The following ZNF609 variants were observed in gnomAD, a reference collection of about 807,000 sequenced individuals.
The protein encoded by ZNF609 is zinc finger protein 609.
In ZNF609, 11 loss-of-function variants were observed where a neutral mutation model predicts 109.5. That is an observed-to-expected ratio of 0.10 (90% CI 0.06 to 0.17). The LOEUF is 0.17. ZNF609 is among the 10% of genes least tolerant of loss of function. ZNF609 has a pLI of 1.00. For synonymous variants in ZNF609, 646 were observed against 662.0 expected (o/e 0.98, Z 0.37); for missense variants, 1,559 against 1,772.4 (o/e 0.88, Z 2.16).
Position 64,674,353 on chromosome 15 carries a change from C to G in ZNF609, c.1499C>G (p.Pro500Arg). Residue 500 changes from proline (P) to arginine (R), a missense_variant, in exon 5 of 10, where the codon CCA (proline) becomes CGA (arginine). Transcript: ENST00000326648. ...CCCGTCCTAATTGACTGTCCCCACC[C>G]AAACTGCAACAAGAAGTACAAGCAC... ...PSPVLIDCPH[P>R]NCNKKYKHIN... The G allele has an allele frequency of 6.2e-7, 1 of 1,614,124 alleles. No homozygotes were observed. Among genetic ancestry groups the G allele is most frequent in the Non-Finnish European group, 8.5e-7 (1 of 1,180,028 alleles).
chr15:64,669,255 C>T (rs1490878838), intron 3 of ZNF609, among the ~76,000 whole-genome samples: 1 of 152,082 alleles, frequency 6.6e-6, no homozygotes, highest in Non-Finnish European at 1.5e-5. Context: ...TAAAATGAAG[C>T]ATTTGTACAA....
chr15:64,529,785 C>G, intron 2 of ZNF609: 1 of 489,712 alleles, frequency 2.0e-6, no homozygotes, highest in South Asian at 1.9e-5. Flanking sequence ...GGCTGGAGTG[C>G]AATGGTGCAA....
At chr15:64,617,477 C>T (rs113982613) in intron 2 of ZNF609, among the ~76,000 whole-genome samples, 7,021 of 150,854 alleles carry the variant, frequency 0.047, 540 homozygotes, top group African/African-American at 0.16. Flanking sequence ...GACGACAGAG[C>T]GAGACCCTGT....
At chr15:64,579,409 CA>C (rs772818773) in intron 2 of ZNF609, among the ~76,000 whole-genome samples, 3,502 of 79,852 alleles carry the variant, frequency 0.044, 90 homozygotes, top group African/African-American at 0.11. Flanking sequence ...GACCCTGTCT[CA>C]AAAAAAAAAA....
chr15:64,645,020 C>T (rs8024483), intron 3 of ZNF609, among the ~76,000 whole-genome samples: 36 of 134,722 alleles, frequency 2.7e-4, no homozygotes, highest in African/African-American at 9.5e-4. Context: ...TTCCTTCCTT[C>T]CTTCCTTCCT....
intron 2 of ZNF609, among the ~76,000 whole-genome samples, chr15:64,534,105 G>C (rs1445547819): frequency 6.7e-6 from 1 of 150,302 alleles, no homozygotes; most frequent in East Asian, 2.0e-4. Flanking sequence ...TCTGCCTCCC[G>C]GGTTGAAGCG....
At chr15:64,659,597 G>A (rs1896544527) in intron 3 of ZNF609, among the ~76,000 whole-genome samples, 1 of 152,080 alleles carries the variant, frequency 6.6e-6, no homozygotes, top group Non-Finnish European at 1.5e-5. Flanking sequence ...CAGAAACTCA[G>A]CAGAGTAGTT....
chr15:64,671,065 C>T (rs1344586182), intron 4 of ZNF609, among the ~76,000 whole-genome samples: 1 of 150,914 alleles, frequency 6.6e-6, no homozygotes, highest in African/African-American at 2.4e-5. Flanking sequence ...AAAAAATTAG[C>T]CGGGCGTGGT....
chr15:64,474,554 G>T (rs1212681495), intron 1 of ZNF609, among the ~76,000 whole-genome samples: 1 of 151,868 alleles, frequency 6.6e-6, no homozygotes, highest in African/African-American at 2.4e-5. Flanking sequence ...ATATATTATT[G>T]CAATAACCTC....
chr15:64,680,655 A>G lies in ZNF609; in HGVS notation c.3955A>G (p.Lys1319Glu). 6.3e-7 allele frequency: 1 copy of G among 1,592,088 alleles called. No individual in the cohort carries two copies. The highest frequency in any genetic ancestry group is 2.2e-5 in the East Asian group (1 of 44,714). ...CTGGTTTCCTTTCCAGATAAGTGAT[A>G]AAACTTCTCAGGAGAGAGATCGAGG... ...YKSKSPTISD[K>E]TSQERDRGGC... The change falls in exon 8 of 10, where the codon AAA becomes GAA. Residue 1319 changes from lysine (K) to glutamate (E), a missense_variant. Around this residue, in one of 4 missense-constraint regions of ZNF609, gnomAD observed 1,204 missense variants for 1,314.1 expected, o/e 0.92. Coordinates refer to ENST00000326648, the MANE Select transcript of ZNF609 (RefSeq NM_015042.2).
At chr15:64,486,376 T>C (rs529420074) in intron 1 of ZNF609, among the ~76,000 whole-genome samples, 110 of 152,054 alleles carry the variant, frequency 7.2e-4, no homozygotes, top group African/African-American at 2.5e-3. Flanking sequence ...ATACAAAAAT[T>C]AGCCGGGTGT....
intron 2 of ZNF609, among the ~76,000 whole-genome samples, chr15:64,522,671 C>T (rs1479567750): frequency 1.3e-5 from 2 of 151,892 alleles, no homozygotes; most frequent in Non-Finnish European, 2.9e-5. Context: ...TAATGTTGAC[C>T]TGCTTTCTTC....
chr15:64,514,885 C>T (rs1311778831), intron 2 of ZNF609, among the ~76,000 whole-genome samples: 1 of 152,180 alleles, frequency 6.6e-6, no homozygotes, highest in Non-Finnish European at 1.5e-5. Flanking sequence ...GATCCTTCCG[C>T]CTTAGCCTCC....
chr15:64,592,054 G>A (rs896943376), intron 2 of ZNF609, among the ~76,000 whole-genome samples: 5 of 151,710 alleles, frequency 3.3e-5, no homozygotes, highest in Non-Finnish European at 7.4e-5. Flanking sequence ...TCAGCTACTT[G>A]GCAGACTGAG....
chr15:64,552,230 T>C (rs1894494437), intron 2 of ZNF609, among the ~76,000 whole-genome samples: 1 of 152,176 alleles, frequency 6.6e-6, no homozygotes, highest in Admixed American at 6.5e-5. Flanking sequence ...ATCTAAAATC[T>C]TTGTCTAACC....
intron 2 of ZNF609, among the ~76,000 whole-genome samples, chr15:64,560,605 G>A (rs930528497): frequency 3.9e-5 from 6 of 152,148 alleles, no homozygotes; most frequent in African/African-American, 1.4e-4. Flanking sequence ...TCACGCACAT[G>A]AGCATGTGTG....
chr15:64,486,412 T>C (rs1893334466), intron 1 of ZNF609, among the ~76,000 whole-genome samples: 1 of 151,508 alleles, frequency 6.6e-6, no homozygotes, highest in African/African-American at 2.4e-5. Context: ...TAGTCCCGGC[T>C]ATTCAGGAGA....
At chr15:64,523,532 TCGGGAGGCTGAGG>T (rs1342909822) in intron 2 of ZNF609, among the ~76,000 whole-genome samples, 1 of 152,086 alleles carries the variant, frequency 6.6e-6, no homozygotes, top group African/African-American at 2.4e-5. Flanking sequence ...TCCCAGCACT[TCGGGAGGCTGAGG>T]CGGGAGGATC....
chr15:64,530,969 A>G (rs1002606955), intron 2 of ZNF609, among the ~76,000 whole-genome samples: 1 of 152,202 alleles, frequency 6.6e-6, no homozygotes, highest in Non-Finnish European at 1.5e-5. Context: ...TGAGCTCACA[A>G]TATCATGTGT....
Sources: gnomAD v4.1 joint callset for allele counts (sites outside exome capture counted in the v4.1 genomes callset) on GRCh38, gnomAD v4.1.1 for gene constraint, gnomAD v4.1.1 regional missense constraint, MANE v1.5 for transcripts, NCBI Gene and HGNC (gene_info 2026-07-23, HGNC 2026-07-21) for gene names.